ZNF475: variants seen among roughly 807,000 people sequenced by gnomAD.
ZNF475 encodes zinc finger protein 475.
the ZNF475 span, chr5:122,163,465 T>A: frequency 6.6e-6 from 1 of 152,232 alleles, no homozygotes; most frequent in South Asian, 2.1e-4. Context: ...CGCTCACTCT[T>A]ACTTCCTCCA....
the ZNF475 span, among the ~76,000 whole-genome samples, chr5:122,166,960 C>A: frequency 6.6e-6 from 1 of 152,152 alleles, no homozygotes; most frequent in Admixed American, 6.5e-5. Flanking sequence ...GCTTTTGTTG[C>A]CATTGCTTTT....
At chr5:122,172,736 G>A in the ZNF475 span, among the ~76,000 whole-genome samples, 1 of 152,130 alleles carries the variant, frequency 6.6e-6, no homozygotes, top group Non-Finnish European at 1.5e-5. Context: ...ATTAGTATAA[G>A]AAGTGAACAA....
At chr5:122,179,049 A>G in the ZNF475 span, among the ~76,000 whole-genome samples, 1 of 152,030 alleles carries the variant, frequency 6.6e-6, no homozygotes, top group Admixed American at 6.5e-5. Context: ...ATGGTTGTAG[A>G]TGTGTGGCAT....
chr5:122,178,633 T>C, the ZNF475 span, among the ~76,000 whole-genome samples: 6 of 152,216 alleles, frequency 3.9e-5, no homozygotes, highest in Non-Finnish European at 7.3e-5. Context: ...TTCTGGATAT[T>C]AGCCCTTTGT....
chr5:122,168,707 G>C, the ZNF475 span, among the ~76,000 whole-genome samples: 1 of 152,144 alleles, frequency 6.6e-6, no homozygotes, highest in Non-Finnish European at 1.5e-5. Context: ...GCAAGACTCC[G>C]TCTAAAAAAA....
the ZNF475 span, among the ~76,000 whole-genome samples, chr5:122,165,190 C>T: frequency 1.3e-5 from 2 of 152,186 alleles, no homozygotes; most frequent in African/African-American, 2.4e-5. Context: ...GTGGGCCTCA[C>T]GTGAATCAGT....
the ZNF475 span, among the ~76,000 whole-genome samples, chr5:122,166,693 A>G: frequency 2.0e-5 from 3 of 152,222 alleles, no homozygotes; most frequent in Non-Finnish European, 4.4e-5. Context: ...GCTGCACAGT[A>G]TTCCATGGTG....
chr5:122,181,849 C>G, the ZNF475 span, among the ~76,000 whole-genome samples: 1 of 152,168 alleles, frequency 6.6e-6, no homozygotes, highest in African/African-American at 2.4e-5. Context: ...GAAGGTTATA[C>G]ATTTCTCATC....
At chr5:122,162,452 G>A in the ZNF475 span, 2 of 152,216 alleles carry the variant, frequency 1.3e-5, no homozygotes, top group Non-Finnish European at 2.9e-5. Context: ...CTCTGCAATT[G>A]TTAAGGTTTG....
At chr5:122,179,764 G>C in the ZNF475 span, 6 of 1,407,940 alleles carry the variant, frequency 4.3e-6, no homozygotes, top group Non-Finnish European at 5.6e-6. Context: ...GAGTGCATAA[G>C]GGGAGACTTT....
the ZNF475 span, among the ~76,000 whole-genome samples, chr5:122,169,875 A>C: frequency 6.6e-6 from 1 of 152,306 alleles, no homozygotes; most frequent in East Asian, 1.9e-4. Flanking sequence ...TAATGCGTTC[A>C]GGTGTGGGAA....
At chr5:122,182,612 A>G in the ZNF475 span, 4 of 1,535,390 alleles carry the variant, frequency 2.6e-6, no homozygotes, top group Non-Finnish European at 3.5e-6. Context: ...TTGTTCACCA[A>G]CGATCTTGTA....
the ZNF475 span, among the ~76,000 whole-genome samples, chr5:122,169,378 T>A: frequency 1.4e-4 from 21 of 152,164 alleles, no homozygotes; most frequent in African/African-American, 4.8e-4. Context: ...ATAGTTTATA[T>A]GTTTGCCTCC....
the ZNF475 span, among the ~76,000 whole-genome samples, chr5:122,178,900 C>T: frequency 2.0e-5 from 3 of 152,002 alleles, no homozygotes; most frequent in Non-Finnish European, 4.4e-5. Context: ...TCCATCTTGA[C>T]TTAATTTTTG....
chr5:122,171,557 G>T, the ZNF475 span, among the ~76,000 whole-genome samples: 33 of 152,140 alleles, frequency 2.2e-4, no homozygotes, highest in South Asian at 6.6e-3. Context: ...TTTTTAAAAG[G>T]ACCCACTAAA....
the ZNF475 span, among the ~76,000 whole-genome samples, chr5:122,178,919 G>A: frequency 6.6e-6 from 1 of 152,154 alleles, no homozygotes; most frequent in African/African-American, 2.4e-5. Context: ...TGTATAAGGT[G>A]TAAGGAAGGG....
chr5:122,160,361 G>T, the ZNF475 span: 2 of 1,000,752 alleles, frequency 2.0e-6, no homozygotes, highest in Non-Finnish European at 2.7e-6. Context: ...GTGTGTCGAA[G>T]GTGGGGAAAG....
the ZNF475 span, among the ~76,000 whole-genome samples, chr5:122,177,421 C>T: frequency 6.6e-6 from 1 of 152,108 alleles, no homozygotes; most frequent in Admixed American, 6.5e-5. Flanking sequence ...AGGAATTATG[C>T]CTGATTTATC....
the ZNF475 span, among the ~76,000 whole-genome samples, chr5:122,174,007 G>C: frequency 4.6e-5 from 7 of 152,146 alleles, no homozygotes; most frequent in African/African-American, 1.2e-4. Context: ...CGCTTTCCTG[G>C]AGTTGGCTGG....
Sources: allele counts gnomAD v4.1 joint callset (sites outside exome capture counted in the v4.1 genomes callset), GRCh38; gene constraint gnomAD v4.1.1; transcripts MANE v1.5; gene names NCBI Gene and HGNC (gene_info 2026-07-23, HGNC 2026-07-21).